The following LATS1 variants were observed in gnomAD, a reference collection of about 807,000 sequenced individuals.
LATS1 encodes the protein serine/threonine-protein kinase LATS1.
In LATS1, 25 loss-of-function variants were observed where a neutral mutation model predicts 106.6. The ratio of observed to expected loss-of-function variants is 0.23; its 90% CI spans 0.17 to 0.33. The LOEUF (loss-of-function observed/expected upper bound fraction) is 0.33. LATS1 is among the 10% of genes least tolerant of loss of function. LATS1 has a pLI of 1.00. For synonymous variants in LATS1, 465 were observed against 455.6 expected, an observed-to-expected ratio of 1.02 and a Z score of -0.26; for missense variants, 1,040 against 1,382.6, an observed-to-expected ratio of 0.75 and a Z score of 3.93.
At chr6:149,696,008 C>G (rs201094338) in intron 2 of LATS1, among the ~76,000 whole-genome samples, 1 of 151,568 alleles carries the variant, frequency 6.6e-6, no homozygotes, top group Non-Finnish European at 1.5e-5. Context: ...TGGGCTCAAG[C>G]GATTCTCCTG....
intron 3 of LATS1, 141 bp from the exon 4 acceptor site, chr6:149,684,733 T>C: frequency 1.6e-6 from 1 of 610,556 alleles, no homozygotes; most frequent in Non-Finnish European, 2.7e-6. Flanking sequence ...AAAGTTCAAG[T>C]GATCTCTTGT....
intron 7 of LATS1, among the ~76,000 whole-genome samples, chr6:149,665,549 G>GGA (rs1781094233): frequency 6.6e-6 from 1 of 152,124 alleles, no homozygotes; most frequent in Non-Finnish European, 1.5e-5. Flanking sequence ...CCAGGGAACA[G>GGA]GAAAGTACTG....
intron 7 of LATS1, among the ~76,000 whole-genome samples, chr6:149,674,049 C>T (rs968541349): frequency 7.9e-5 from 12 of 151,184 alleles, no homozygotes; most frequent in African/African-American, 2.2e-4. Flanking sequence ...ATCAAAGAAA[C>T]GATGGAATCT....
intron 4 of LATS1, among the ~76,000 whole-genome samples, chr6:149,681,684 A>G (rs1782038076): frequency 6.6e-6 from 1 of 152,246 alleles, no homozygotes; most frequent in African/African-American, 2.4e-5. Flanking sequence ...ACAATACTGT[A>G]AAATCAGATT....
chr6:149,691,296 C>G lies in LATS1; in HGVS notation c.496+3778G>C, dbSNP rs765899400. ...ACAAACATATGAGGACACAGCAAGG[C>G]GGCCGCCATCTGCAAGCCAAGGAGA... is the stretch of plus-strand genomic sequence containing the variant. On this transcript the variant is annotated intron_variant, in intron 3 of 7. Coordinates refer to ENST00000543571, the MANE Select transcript of LATS1 (RefSeq NM_004690.4). Among the ~76,000 whole-genome samples the G allele has an allele frequency of 2.6e-5, 4 of 152,258 alleles. No individual in the cohort carries two copies. In the South Asian group the frequency reaches 8.3e-4, roughly 32 times the overall value.
chr6:149,712,400 G>A (rs1399141626), intron 1 of LATS1, among the ~76,000 whole-genome samples: 2 of 152,140 alleles, frequency 1.3e-5, no homozygotes, highest in Non-Finnish European at 1.5e-5. Context: ...GTTTCTCCAT[G>A]TTGGTCAGGC....
intron 7 of LATS1, among the ~76,000 whole-genome samples, chr6:149,665,339 G>T (rs1021189649): frequency 6.6e-6 from 1 of 152,184 alleles, no homozygotes; most frequent in Non-Finnish European, 1.5e-5. Context: ...TCCAGCCTGG[G>T]TGACAGAGTG....
In LATS1 at chr6:149,695,366, A is replaced by T. The variant is rs78827587; in HGVS notation, c.349-145T>A. On this transcript the variant is annotated intron_variant, in intron 2 of 7. Transcript: ENST00000543571. The stretch of plus-strand genomic sequence containing the variant: ...ACCATGATATTAATGTTCTGTTTGT[A>T]GCTACTAAAAACCCCGCACAAAATC... The T allele has an allele frequency of 2.9e-3, 1,641 of 575,434 alleles. 24 individuals carry two copies. The African/African-American group carries it at 0.029, about 10-fold the overall frequency. The allele number at this position is 575,434 out of a possible 1,614,324, so 35.6% of individuals were successfully genotyped here.
chr6:149,692,143 C>T (rs565576928), intron 3 of LATS1, among the ~76,000 whole-genome samples: 1 of 152,310 alleles, frequency 6.6e-6, no homozygotes, highest in South Asian at 2.1e-4. Context: ...AATGTTATTA[C>T]CCTGCTTGAA....
At chr6:149,712,999 A>AAAAT (rs892064115) in intron 1 of LATS1, among the ~76,000 whole-genome samples, 6 of 152,216 alleles carry the variant, frequency 3.9e-5, no homozygotes, top group Non-Finnish European at 8.8e-5. Flanking sequence ...TGTCCCAGAA[A>AAAAT]AAATAAATAA....
At position 149,660,692 on chromosome 6, in the gene LATS1, T is replaced by C. The variant is rs571448363; in HGVS notation, c.*1037A>G. 8.2e-4 allele frequency: 189 copies of C among 230,316 alleles called. 1 individual carries two copies. The highest frequency in any genetic ancestry group is 6.5e-3 in the Middle Eastern group (5 of 772). The allele number at this position is 230,316 out of a possible 1,614,324, so 14.3% of individuals were successfully genotyped here. A position where few individuals can be genotyped will look rare whatever the true frequency, so the allele number is the denominator to read the frequency against. Reference sequence around the variant, plus strand: ...CTTGAATTTTCTACTAAGACCACTCTGTAAACTTTCCTAATTATTAATGGC... The same window carrying C: ...CTTGAATTTTCTACTAAGACCACTCCGTAAACTTTCCTAATTATTAATGGC... On this transcript the variant is annotated 3_prime_UTR_variant, in exon 8 of 8. Transcript: ENST00000543571.
At chr6:149,709,173 G>C (rs1421160101) in intron 1 of LATS1, among the ~76,000 whole-genome samples, 1 of 152,176 alleles carries the variant, frequency 6.6e-6, no homozygotes, top group Non-Finnish European at 1.5e-5. Flanking sequence ...CAGCCATGAT[G>C]GGAAGCGGAG....
chr6:149,677,787 C>T (rs1390849059), intron 5 of LATS1, among the ~76,000 whole-genome samples: 5 of 151,870 alleles, frequency 3.3e-5, no homozygotes, highest in Admixed American at 2.0e-4. Context: ...TTTGGGAGGC[C>T]AGGGAGGGTG....
intron 3 of LATS1, among the ~76,000 whole-genome samples, chr6:149,692,208 G>C (rs182965330): frequency 9.2e-5 from 14 of 152,270 alleles, no homozygotes; most frequent in African/African-American, 3.4e-4. Flanking sequence ...CAGTTCTGCA[G>C]AGTCAGGCCC....
At chr6:149,694,791 G>T (rs1782966520) in intron 3 of LATS1, among the ~76,000 whole-genome samples, 1 of 152,174 alleles carries the variant, frequency 6.6e-6, no homozygotes, top group Non-Finnish European at 1.5e-5. Context: ...TAGTCTGAAT[G>T]ATGGGATTTG....
At chr6:149,711,679 G>A (rs560232457) in intron 1 of LATS1, among the ~76,000 whole-genome samples, 4 of 152,208 alleles carry the variant, frequency 2.6e-5, no homozygotes, top group South Asian at 2.1e-4. Flanking sequence ...AGATTTGTAC[G>A]TTCCAAAGGG....
chr6:149,713,810 C>T (rs1183476550), intron 1 of LATS1, among the ~76,000 whole-genome samples: 1 of 151,966 alleles, frequency 6.6e-6, no homozygotes, highest in Non-Finnish European at 1.5e-5. Context: ...CAGGCATGTG[C>T]CACCATGTGT....
intron 3 of LATS1, among the ~76,000 whole-genome samples, chr6:149,691,276 CAT>C (rs937563868): frequency 6.8e-4 from 103 of 152,238 alleles, no homozygotes; most frequent in African/African-American, 2.5e-3. Flanking sequence ...GAGGGACAAA[CAT>C]ATGAGGACAC....
At chr6:149,678,525 A>T (rs958631166) in intron 5 of LATS1, among the ~76,000 whole-genome samples, 3 of 152,242 alleles carry the variant, frequency 2.0e-5, no homozygotes, top group African/African-American at 4.8e-5. Flanking sequence ...AAGTAGGTTC[A>T]ATTGTCTCAG....
Sources: gnomAD v4.1 joint callset for allele counts (sites outside exome capture counted in the v4.1 genomes callset) on GRCh38, gnomAD v4.1.1 for gene constraint, MANE v1.5 for transcripts, NCBI Gene and HGNC (gene_info 2026-07-23, HGNC 2026-07-21) for gene names.